The following TMEM116 variants were observed in gnomAD, a reference collection of about 807,000 sequenced individuals.
TMEM116 encodes the protein transmembrane protein 116.
TMEM116 carries 38 observed loss-of-function variants against 44.3 expected under a neutral mutation model. The observed-to-expected ratio is 0.86, with a 90% CI of 0.66 to 1.12. TMEM116 has a LOEUF of 1.12. Among genes scored for constraint, TMEM116 ranks in the 50% most tolerant of loss-of-function variants. The pLI, the probability that TMEM116 is intolerant of heterozygous loss-of-function variation, is 0.00. For missense variants in TMEM116, 354 were observed against 401.7 expected (o/e 0.88, Z 1.01); for synonymous variants, 132 against 144.8 (o/e 0.91, Z 0.64).
At chr12:111,984,564 A>G (rs1447132152) in intron 4 of TMEM116, among the ~76,000 whole-genome samples, 1 of 152,192 alleles carries the variant, frequency 6.6e-6, no homozygotes, top group African/African-American at 2.4e-5. Context: ...ATAGTCAACA[A>G]TAACTTAATT....
At chr12:111,951,852 C>T (rs1230172914) in intron 4 of TMEM116, among the ~76,000 whole-genome samples, 3 of 152,096 alleles carry the variant, frequency 2.0e-5, no homozygotes, top group Admixed American at 6.6e-5. Context: ...ATCATTTAGC[C>T]TACCTAGTAG....
intron 4 of TMEM116, among the ~76,000 whole-genome samples, chr12:111,976,699 T>TA (rs1314995301): frequency 3.3e-5 from 5 of 152,050 alleles, no homozygotes; most frequent in African/African-American, 1.2e-4. Context: ...CAATAACAAT[T>TA]AATATGTTAA....
intron 1 of TMEM116, among the ~76,000 whole-genome samples, chr12:112,007,808 T>G (rs2077660048): frequency 6.6e-6 from 1 of 152,224 alleles, no homozygotes; most frequent in Non-Finnish European, 1.5e-5. Flanking sequence ...ATAACTTTTC[T>G]CTTTGGTGTT....
chr12:111,993,643 C>T (rs2076753362), intron 3 of TMEM116: 1 of 574,970 alleles, frequency 1.7e-6, no homozygotes, highest in Non-Finnish European at 3.4e-6. Flanking sequence ...GGTTGCTCCT[C>T]TCTGGATGAG....
At chr12:112,006,795 CATTT>C (rs2077605713) in intron 1 of TMEM116, among the ~76,000 whole-genome samples, 1 of 152,212 alleles carries the variant, frequency 6.6e-6, no homozygotes, top group Admixed American at 6.5e-5. Flanking sequence ...GAAGACCATT[CATTT>C]ATGTAATTTA....
rs559301794 is a variant in TMEM116 at position 111,931,640 on chromosome 12, C to G, written c.995G>C (p.Ser332Thr). 2 of 1,614,170 alleles carry G rather than the reference C, an allele frequency of 1.2e-6. No homozygotes were observed. The highest frequency in any genetic ancestry group is 3.3e-5 in the Admixed American group (2 of 60,016). Residue 332 changes from serine (S) to threonine (T), a missense_variant, in exon 11 of 11, where the codon AGT (serine) becomes ACT (threonine). Ser to Thr is a moderately conservative substitution (Grantham distance 58). Transcript: ENST00000552374. ...SLESTLTFPA[S>T]TSTIF is the part of the protein sequence containing the mutation. ...GTAGTTTCAAAAAATGGTAGAAGTA[C>G]TGGCAGGAAAAGTCAGGGTGGATTC...
At chr12:112,008,746 T>A (rs931939147) in intron 1 of TMEM116, among the ~76,000 whole-genome samples, 2 of 152,086 alleles carry the variant, frequency 1.3e-5, no homozygotes, top group African/African-American at 4.8e-5. Flanking sequence ...CCAAGGTGGG[T>A]GGATCACCTG....
At chr12:111,933,511 T>TG (rs2071838995) in intron 9 of TMEM116, among the ~76,000 whole-genome samples, 2 of 146,442 alleles carry the variant, frequency 1.4e-5, no homozygotes. Flanking sequence ...TTTTTTGAGA[T>TG]GGAGTCTCGC....
intron 3 of TMEM116, chr12:111,993,662 C>T: frequency 1.7e-6 from 1 of 594,666 alleles, no homozygotes. Context: ...AGACAGATAG[C>T]ATATGCCATG....
chr12:111,961,734 G>GCAC (rs1351662864), intron 4 of TMEM116, among the ~76,000 whole-genome samples: 5 of 152,134 alleles, frequency 3.3e-5, no homozygotes, highest in African/African-American at 1.2e-4. Context: ...GCAAAAACTG[G>GCAC]AAGCATTCCC....
At chr12:111,933,448 T>C (rs1159797840) in intron 9 of TMEM116, among the ~76,000 whole-genome samples, 2 of 151,210 alleles carry the variant, frequency 1.3e-5, no homozygotes, top group Non-Finnish European at 2.9e-5. Context: ...GTAGGGCCCA[T>C]ACAAATTTTA....
At chr12:111,972,614 C>G (rs1404730129) in intron 4 of TMEM116, among the ~76,000 whole-genome samples, 1 of 152,034 alleles carries the variant, frequency 6.6e-6, no homozygotes, top group Admixed American at 6.5e-5. Context: ...TGTGGTGGCT[C>G]ATGCCTATAA....
intron 4 of TMEM116, among the ~76,000 whole-genome samples, chr12:111,988,930 T>C (rs1285077221): frequency 5.9e-5 from 9 of 152,108 alleles, no homozygotes; most frequent in African/African-American, 2.2e-4. Context: ...AGGTGGAGGT[T>C]GCAGTGAGCC....
At chr12:111,973,722 C>A (rs185525740) in intron 4 of TMEM116, among the ~76,000 whole-genome samples, 375 of 151,868 alleles carry the variant, frequency 2.5e-3, no homozygotes, top group African/African-American at 7.7e-3. Context: ...GAGGCCGAGG[C>A]TGGAGATCAC....
intron 9 of TMEM116, 142 bp from the exon 10 acceptor site, chr12:111,932,801 C>T (rs1355627230): frequency 4.4e-6 from 3 of 676,492 alleles, no homozygotes; most frequent in South Asian, 3.6e-5. Context: ...GTTATGCAAA[C>T]CAATGAGTCT....
intron 4 of TMEM116, among the ~76,000 whole-genome samples, chr12:111,979,028 C>A (rs1389763896): frequency 1.3e-5 from 2 of 152,044 alleles, no homozygotes; most frequent in African/African-American, 2.4e-5. Flanking sequence ...GATCACAGAT[C>A]TAAATGTAAA....
rs577650170 is a variant in TMEM116 at position 111,940,277 on chromosome 12, A to AAT, written c.316-2069_316-2068dup. Among the ~76,000 whole-genome samples the AAT allele has an allele frequency of 4.5e-3, 671 of 150,102 alleles. 4 individuals carry two copies. Among genetic ancestry groups the AAT allele is most frequent in the South Asian group, 0.012 (57 of 4,756 alleles). On this transcript the variant is annotated intron_variant, in intron 5 of 10. Coordinates refer to ENST00000552374, the MANE Select transcript of TMEM116 (RefSeq NM_001193531.2). ...AACAGAGTGAGACTCTGTCTCAAAAAATATATATATATATGTATGTATATT... is the reference window on the plus strand; with the variant it reads ...AACAGAGTGAGACTCTGTCTCAAAAAATATATATATATATATGTATGTATATT...
intron 4 of TMEM116, among the ~76,000 whole-genome samples, chr12:111,987,791 T>A (rs752442721): frequency 1.3e-5 from 2 of 152,202 alleles, no homozygotes; most frequent in Non-Finnish European, 2.9e-5. Flanking sequence ...AAACACAGAA[T>A]TTCCATCTGA....
chr12:111,955,050 A>G (rs1004168927), intron 4 of TMEM116, among the ~76,000 whole-genome samples: 2 of 152,238 alleles, frequency 1.3e-5, no homozygotes, highest in Non-Finnish European at 2.9e-5. Context: ...TTTAGGTTAG[A>G]TAACAAGGAG....
Sources: gnomAD v4.1 joint callset for allele counts (sites outside exome capture counted in the v4.1 genomes callset) on GRCh38, gnomAD v4.1.1 for gene constraint, MANE v1.5 for transcripts, NCBI Gene and HGNC (gene_info 2026-07-23, HGNC 2026-07-21) for gene names.